MBP: variants seen among roughly 807,000 people sequenced by gnomAD.
MBP encodes Golli-MBP.
In MBP, 16 loss-of-function variants were observed where a neutral mutation model predicts 35.8. The ratio of observed to expected loss-of-function variants is 0.45; its 90% CI spans 0.30 to 0.68. The LOEUF is 0.68. Ranked by LOEUF, MBP falls within the 30% of genes least tolerant of loss-of-function variation. The probability of loss-of-function intolerance (pLI) is 0.08; values close to 1 mark genes in which losing one functional copy is unlikely to be tolerated. For missense variants in MBP, 380 were observed against 404.7 expected, an observed-to-expected ratio of 0.94 and a Z score of 0.52; for synonymous variants, 143 against 159.6, an observed-to-expected ratio of 0.90 and a Z score of 0.78.
intron 3 of MBP, among the ~76,000 whole-genome samples, chr18:77,038,067 C>T (rs1049251130): frequency 6.6e-6 from 1 of 152,116 alleles, no homozygotes; most frequent in Non-Finnish European, 1.5e-5. Context: ...GTTCCAGGGC[C>T]CAAGATTTAA....
intron 1 of MBP, among the ~76,000 whole-genome samples, chr18:77,116,506 C>T (rs944488932): frequency 1.2e-4 from 19 of 152,208 alleles, no homozygotes; most frequent in South Asian, 4.1e-4. Context: ...CCAGCATCGA[C>T]GGGGCGCTTA....
rs1969777325 is a variant in MBP, at chr18:76,989,673, T to G, written c.681+283A>C. The G allele has an allele frequency of 2.6e-6, 1 of 385,086 alleles. No individual in the cohort carries two copies. Among genetic ancestry groups the G allele is most frequent in the Admixed American group, 4.4e-5 (1 of 22,608 alleles). The allele number at this position is 385,086 out of a possible 1,614,324, so 23.9% of individuals were successfully genotyped here. ...AGCACTCTCCATAGGTTGCAAAGCC[T>G]GTGTTTTTAGGCTAAGCGTTACATG... On this transcript the variant is annotated intron_variant, in intron 5 of 8. Coordinates refer to ENST00000355994, the MANE Select transcript of MBP (RefSeq NM_001025101.2). This position sits in a 1 kb window ranked among gnomAD's most constrained non-coding sequence, Gnocchi z 4.0.
intron 2 of MBP, among the ~76,000 whole-genome samples, chr18:77,091,728 T>C (rs929240355): frequency 1.3e-5 from 2 of 148,558 alleles, no homozygotes; most frequent in African/African-American, 2.5e-5. Flanking sequence ...CATACACACA[T>C]ATACACACCA....
intron 1 of MBP, among the ~76,000 whole-genome samples, chr18:77,112,169 G>GCGCGCGCGCACACACACACACACA (rs370587502): frequency 6.6e-6 from 1 of 150,872 alleles, no homozygotes; most frequent in African/African-American, 2.4e-5. Flanking sequence ...CCGTGCACAC[G>GCGCGCGCGCACACACACACACACA]CACACACACA....
chr18:77,009,786 G>T, intron 4 of MBP: 1 of 1,415,644 alleles, frequency 7.1e-7, no homozygotes, highest in South Asian at 1.2e-5. Flanking sequence ...GACAGTGGCT[G>T]AGAGCTCAGG....
chr18:77,079,081 C>T (rs1011944049), intron 2 of MBP, among the ~76,000 whole-genome samples: 1 of 152,256 alleles, frequency 6.6e-6, no homozygotes, highest in African/African-American at 2.4e-5. Context: ...AACGACCAAC[C>T]CTTTGAGTCC....
intron 4 of MBP, among the ~76,000 whole-genome samples, chr18:76,995,088 T>G (rs1970195951): frequency 6.6e-6 from 1 of 152,202 alleles, no homozygotes; most frequent in Non-Finnish European, 1.5e-5. Context: ...TTAAAAATTA[T>G]TACATATAAT....
chr18:77,107,995 C>T (rs571265829), intron 1 of MBP, among the ~76,000 whole-genome samples: 1 of 152,144 alleles, frequency 6.6e-6, no homozygotes, highest in Non-Finnish European at 1.5e-5. Context: ...TGTGTGGGAG[C>T]CCCCATCAGA....
chr18:77,055,098 T>A (rs1973668415), intron 3 of MBP, among the ~76,000 whole-genome samples: 1 of 152,216 alleles, frequency 6.6e-6, no homozygotes, highest in African/African-American at 2.4e-5. Flanking sequence ...GGCACGCACA[T>A]CGTGGATGGA....
Position 76,988,649 on chromosome 18 carries a change from A to G in MBP, c.718-122T>C. On this transcript the variant is annotated intron_variant, in intron 6 of 8. Transcript: ENST00000355994. This position sits in a 1 kb window ranked among gnomAD's most constrained non-coding sequence, Gnocchi z 5.2. ...GGTGGTAAAAACAGGTTCCACCCGG[A>G]GCTCCGAGGGGGGCCGCAGGCTCAG... is the stretch of plus-strand genomic sequence containing the variant. 6.6e-7 allele frequency: 1 copy of G among 1,505,976 alleles called. No individual in the cohort carries two copies. The highest frequency in any genetic ancestry group is 1.3e-5 in the South Asian group (1 of 75,470). The allele number at this position is 1,505,976 out of a possible 1,614,324, so 93.3% of individuals were successfully genotyped here.
chr18:77,080,827 T>C (rs1227616030), intron 2 of MBP, among the ~76,000 whole-genome samples: 1 of 151,926 alleles, frequency 6.6e-6, no homozygotes, highest in Admixed American at 6.6e-5. Context: ...GGATTACAGG[T>C]GCTCGCCACC....
Position 77,044,727 on chromosome 18 carries a change from T to G in MBP, c.139+21571A>C, listed in dbSNP as rs1367861200. On this transcript the variant is annotated intron_variant, in intron 3 of 8. Coordinates refer to ENST00000355994, the MANE Select transcript of MBP (RefSeq NM_001025101.2). This position sits in a 1 kb window ranked among gnomAD's most constrained non-coding sequence, Gnocchi z 4.4. ...CAGATCTGAAATGCTTAAAAGCAAA[T>G]TAAACTTAACTCATAAAAGGAGAAG... 6.6e-6 allele frequency among the ~76,000 whole-genome samples: 1 copy of G among 152,172 alleles called. No homozygotes were observed. The highest frequency in any genetic ancestry group is 1.9e-4 in the East Asian group (1 of 5,184).
chr18:77,124,577 T>G (rs553569884), intron 1 of MBP, among the ~76,000 whole-genome samples: 2 of 152,154 alleles, frequency 1.3e-5, no homozygotes, highest in Non-Finnish European at 2.9e-5. Flanking sequence ...CCTGGGTGCC[T>G]GTCTCAGGTG....
At chr18:77,079,854 G>A (rs1312040478) in intron 2 of MBP, among the ~76,000 whole-genome samples, 12 of 152,184 alleles carry the variant, frequency 7.9e-5, no homozygotes, top group Non-Finnish European at 1.3e-4. Context: ...ATATGTCACT[G>A]TTCTTCAATT....
chr18:76,999,428 G>A (rs1389351772), intron 4 of MBP, among the ~76,000 whole-genome samples: 2 of 151,984 alleles, frequency 1.3e-5, no homozygotes, highest in Admixed American at 1.3e-4. Flanking sequence ...CAGCTCTCTA[G>A]GACAGAAAGG....
intron 3 of MBP, among the ~76,000 whole-genome samples, chr18:77,064,659 G>C (rs764922389): frequency 6.6e-5 from 10 of 152,020 alleles, no homozygotes; most frequent in Admixed American, 6.5e-4. Context: ...AGTTAATCAC[G>C]AACAAAAAAA....
chr18:77,059,396 T>C (rs1245540577), intron 3 of MBP, among the ~76,000 whole-genome samples: 1 of 151,942 alleles, frequency 6.6e-6, no homozygotes, highest in African/African-American at 2.4e-5. Flanking sequence ...ATTAATTAAT[T>C]TTAATTATTA....
At chr18:76,996,589 A>G (rs1970282145) in intron 4 of MBP, among the ~76,000 whole-genome samples, 1 of 152,190 alleles carries the variant, frequency 6.6e-6, no homozygotes, top group Non-Finnish European at 1.5e-5. Context: ...GGCCTCTCCA[A>G]GGAATCTTGC....
intron 4 of MBP, chr18:77,009,841 C>T (rs530446430): frequency 3.6e-5 from 57 of 1,575,370 alleles, no homozygotes; most frequent in East Asian, 7.0e-5. Flanking sequence ...GACCCGCCGG[C>T]GTCTTACCTT....
Sources: allele counts gnomAD v4.1 joint callset (sites outside exome capture counted in the v4.1 genomes callset), GRCh38; gene constraint gnomAD v4.1.1; non-coding constraint Gnocchi (gnomAD v3.1); transcripts MANE v1.5; gene names NCBI Gene and HGNC (gene_info 2026-07-23, HGNC 2026-07-21).